TDG: variants seen among roughly 807,000 people sequenced by gnomAD.
TDG encodes G/T mismatch-specific thymine DNA glycosylase.
TDG carries 23 observed loss-of-function variants against 46.1 expected under a neutral mutation model. The ratio of observed to expected loss-of-function variants is 0.50; its 90% CI spans 0.36 to 0.71. The LOEUF (loss-of-function observed/expected upper bound fraction) is 0.71. TDG is among the 30% of genes least tolerant of loss of function. The pLI is 0.00. For synonymous variants in TDG, 115 were observed against 161.3 expected, an observed-to-expected ratio of 0.71 and a Z score of 2.18; for missense variants, 304 against 486.7, an observed-to-expected ratio of 0.62 and a Z score of 3.53.
chr12:103,987,026 A>G lies in TDG; in HGVS notation c.1169A>G (p.Asp390Gly), dbSNP rs756887800. The G allele has an allele frequency of 6.2e-7, 1 of 1,614,276 alleles. No individual in the cohort carries two copies. Among genetic ancestry groups the G allele is most frequent in the South Asian group, 1.1e-5 (1 of 91,090 alleles). ...CAGTGGATGACCCAGTCATTTACAGACCAAATTCCTTCCTTTAGTAATCAC... is the reference window on the plus strand; with the variant it reads ...CAGTGGATGACCCAGTCATTTACAGGCCAAATTCCTTCCTTTAGTAATCAC... ...NGQWMTQSFT[D>G]QIPSFSNHCG... is the part of the protein sequence containing the mutation. The change falls in exon 10 of 10, where the codon GAC becomes GGC. Residue 390 changes from aspartate to glycine, a missense_variant. By Grantham distance (94) the Asp-to-Gly change is moderately conservative. Transcript: ENST00000392872.
chr12:103,982,191 A>C (rs550340327), intron 4 of TDG, among the ~76,000 whole-genome samples: 1 of 152,314 alleles, frequency 6.6e-6, no homozygotes, highest in East Asian at 1.9e-4. Context: ...ATTTAGGGCA[A>C]CTGATAGTAA....
chr12:103,987,110 T>C lies in TDG; in HGVS notation c.*20T>C. On this transcript the variant is annotated 3_prime_UTR_variant, in exon 10 of 10. Coordinates refer to ENST00000392872, the MANE Select transcript of TDG (RefSeq NM_003211.6). ...GCTTAAGAATGGTGCTTCTCAGCTCTGCTTAAATGCTGCAGTTTTAATGCA... is the reference window on the plus strand; with the variant it reads ...GCTTAAGAATGGTGCTTCTCAGCTCCGCTTAAATGCTGCAGTTTTAATGCA... The C allele has an allele frequency of 1.2e-6, 2 of 1,608,042 alleles. No homozygotes were observed. The highest frequency in any genetic ancestry group is 1.7e-6 in the Non-Finnish European group (2 of 1,175,774).
chr12:103,982,772 AT>A (rs1729575229), intron 4 of TDG, 26 bp from the exon 5 acceptor site: 1 of 1,610,934 alleles, frequency 6.2e-7, no homozygotes, highest in Non-Finnish European at 8.5e-7. Flanking sequence ...CTAAAAAAAA[AT>A]AAATAACTGA....
chr12:103,972,272 C>A (rs887258495), intron 1 of TDG, among the ~76,000 whole-genome samples: 1 of 152,140 alleles, frequency 6.6e-6, no homozygotes, highest in East Asian at 1.9e-4. Context: ...GCGCATGCCA[C>A]GACGCCTGAC....
intron 3 of TDG, chr12:103,980,517 T>G: frequency 4.4e-6 from 1 of 228,490 alleles, no homozygotes; most frequent in Non-Finnish European, 8.6e-6. Context: ...ATTGTGTAGG[T>G]GATGTGGAGC....
chr12:103,968,850 C>T (rs1254932935), intron 1 of TDG, among the ~76,000 whole-genome samples: 2 of 152,168 alleles, frequency 1.3e-5, no homozygotes, highest in Admixed American at 6.5e-5. Flanking sequence ...ACTAATTGAC[C>T]GGGCACAGTG....
intron 9 of TDG, 89 bp downstream of exon 9, chr12:103,985,817 G>A (rs1049264603): frequency 2.1e-5 from 27 of 1,294,456 alleles, no homozygotes; most frequent in Admixed American, 2.9e-5. Context: ...GTAAATTATT[G>A]AAGAATGGGA....
intron 8 of TDG, 84 bp downstream of exon 8, chr12:103,985,004 T>TA: frequency 8.8e-7 from 1 of 1,137,844 alleles, no homozygotes; most frequent in Non-Finnish European, 1.2e-6. Context: ...CACATATACA[T>TA]ATATACATAT....
In TDG at chr12:103,983,292, T is replaced by A. The variant is rs778892354; in HGVS notation, c.698-3T>A. On this transcript the variant is annotated splice_polypyrimidine_tract_variant and splice_region_variant and intron_variant, in intron 6 of 9. Transcript: ENST00000392872. ...ATGTAAATATGTTTGTATTTCATTT[T>A]AGGTATTTATGAAATTTTTAGTAAA... The A allele has an allele frequency of 1.3e-6, 2 of 1,540,056 alleles. No homozygotes were observed. The highest frequency in any genetic ancestry group is 2.4e-5 in the South Asian group (2 of 82,136).
intron 5 of TDG, 70 bp from the exon 6 acceptor site, chr12:103,983,066 C>G: frequency 6.5e-7 from 1 of 1,548,882 alleles, no homozygotes; most frequent in South Asian, 1.2e-5. Context: ...TCATTGAAAG[C>G]TGTCTGAATT....
intron 1 of TDG, among the ~76,000 whole-genome samples, 163 bp downstream of exon 1, chr12:103,966,223 T>TGCG (rs774208652): frequency 5.3e-4 from 80 of 152,328 alleles, no homozygotes; most frequent in Admixed American, 1.9e-3. Context: ...CTTCCCTGGC[T>TGCG]GCGGCGGTGG....
chr12:103,971,423 G>A (rs974498201), intron 1 of TDG, among the ~76,000 whole-genome samples: 3 of 152,122 alleles, frequency 2.0e-5, no homozygotes, highest in African/African-American at 7.2e-5. Context: ...TTAGCCCGGT[G>A]TAGGTGCCTG....
intron 1 of TDG, among the ~76,000 whole-genome samples, chr12:103,976,386 GAC>G (rs1593511668): frequency 6.6e-6 from 1 of 150,450 alleles, no homozygotes; most frequent in East Asian, 2.0e-4. Flanking sequence ...CAACCTGGGT[GAC>G]AGAGGGAGAC....
At position 103,965,908 on chromosome 12, in the gene TDG, C is replaced by T. The variant is rs1364437707; in HGVS notation, c.-130C>T. 9.3e-6 allele frequency: 13 copies of T among 1,405,242 alleles called. No homozygotes were observed. In the African/African-American group the frequency reaches 1.8e-4, roughly 20 times the overall value. The allele number at this position is 1,405,242 out of a possible 1,614,324, so 87.0% of individuals were successfully genotyped here. A position where few individuals can be genotyped will look rare whatever the true frequency, so the allele number is the denominator to read the frequency against. Reference sequence around the variant, plus strand: ...GGAGGAGCTTGAGTCCAGCCACTGTCTGGGTACTGCCAGCCATCGGGCCCA... The same window carrying T: ...GGAGGAGCTTGAGTCCAGCCACTGTTTGGGTACTGCCAGCCATCGGGCCCA... On this transcript the variant is annotated 5_prime_UTR_variant, in exon 1 of 10. Transcript: ENST00000392872.
intron 2 of TDG, among the ~76,000 whole-genome samples, chr12:103,977,832 G>A (rs1047323834): frequency 1.3e-5 from 2 of 152,140 alleles, no homozygotes; most frequent in South Asian, 4.2e-4. Context: ...GGAAGGCTGA[G>A]GCGGGTAGAT....
At position 103,982,864 on chromosome 12, in the gene TDG, C is replaced by T. The variant is rs755354967; in HGVS notation, c.544C>T (p.Pro182Ser). Reference sequence around the variant, plus strand: ...GAACCATATGGATGATCACACTCTACCAGGGAAGTATGGTATTGGATTTAC... The same window carrying T: ...GAACCATATGGATGATCACACTCTATCAGGGAAGTATGGTATTGGATTTAC... ...QLNHMDDHTL[P>S]GKYGIGFTNM... The change falls in exon 5 of 10, where the codon CCA becomes TCA. Residue 182 changes from proline (P) to serine (S), a missense_variant. Coordinates refer to ENST00000392872, the MANE Select transcript of TDG (RefSeq NM_003211.6). 6.2e-7 allele frequency: 1 copy of T among 1,614,040 alleles called. No homozygotes were observed. The highest frequency in any genetic ancestry group is 1.7e-5 in the Admixed American group (1 of 60,012).
intron 1 of TDG, among the ~76,000 whole-genome samples, chr12:103,975,580 T>C (rs1342359805): frequency 2.0e-5 from 3 of 152,158 alleles, no homozygotes; most frequent in African/African-American, 7.2e-5. Context: ...ACTCATCCAC[T>C]CATCGTGTTA....
chr12:103,978,963 C>T (rs960745965), intron 2 of TDG, among the ~76,000 whole-genome samples: 10 of 152,034 alleles, frequency 6.6e-5, no homozygotes, highest in African/African-American at 2.4e-4. Context: ...GGTTGGATCC[C>T]TCCTCTTGCC....
intron 1 of TDG, among the ~76,000 whole-genome samples, chr12:103,975,500 G>A (rs147208064): frequency 1.3e-5 from 2 of 152,270 alleles, no homozygotes; most frequent in Admixed American, 6.5e-5. Context: ...TTCTTGCTGC[G>A]TCATAAAATG....
Sources: gnomAD v4.1 joint callset for allele counts (sites outside exome capture counted in the v4.1 genomes callset) on GRCh38, gnomAD v4.1.1 for gene constraint, MANE v1.5 for transcripts, NCBI Gene and HGNC (gene_info 2026-07-23, HGNC 2026-07-21) for gene names.